Variants in CNTN5 observed in about 807,000 individuals in gnomAD.
The protein encoded by CNTN5 is contactin 5, also known as contactin-5.
Under a neutral mutation model 129.1 loss-of-function variants are expected in CNTN5, and 77 were observed. That is an observed-to-expected ratio of 0.60 (90% CI 0.50 to 0.72). The LOEUF (loss-of-function observed/expected upper bound fraction) is 0.72. Among genes scored for constraint, CNTN5 ranks in the 30% least tolerant of loss-of-function variants. CNTN5 has a pLI of 0.00. For missense variants in CNTN5, 1,478 were observed against 1,328.8 expected, an observed-to-expected ratio of 1.11 and a Z score of -1.75; for synonymous variants, 509 against 465.6, an observed-to-expected ratio of 1.09 and a Z score of -1.20.
intron 4 of CNTN5, among the ~76,000 whole-genome samples, chr11:99,830,991 G>T (rs572882767): frequency 2.0e-4 from 31 of 152,066 alleles, no homozygotes; most frequent in African/African-American, 7.5e-4. Flanking sequence ...AAATATTTTT[G>T]AACACAATAG....
chr11:99,957,368 T>G (rs991183663), intron 8 of CNTN5, among the ~76,000 whole-genome samples: 1 of 152,216 alleles, frequency 6.6e-6, no homozygotes, highest in African/African-American at 2.4e-5. Context: ...GGGTTCACTT[T>G]TCATTACATT....
intron 1 of CNTN5, among the ~76,000 whole-genome samples, chr11:99,159,742 G>A (rs1860516237): frequency 1.3e-5 from 2 of 152,088 alleles, no homozygotes; most frequent in South Asian, 2.1e-4. Flanking sequence ...AATGGCATAA[G>A]GGATAATAAA....
Position 99,188,602 on chromosome 11 carries a change from C to G in CNTN5, c.-209-136744C>G, listed in dbSNP as rs143619446. 5.9e-4 allele frequency among the ~76,000 whole-genome samples: 89 copies of G among 151,766 alleles called. 1 individual carries two copies. Among genetic ancestry groups the G allele is most frequent in the Admixed American group, 2.2e-3 (34 of 15,194 alleles). ...TATATCCCACTATATGAAAGGAACA[C>G]GATTTATTTAATATTTTTATTTCTT... On this transcript the variant is annotated intron_variant, in intron 1 of 24. Coordinates refer to ENST00000524871, the MANE Select transcript of CNTN5 (RefSeq NM_014361.4).
At chr11:100,033,398 A>T (rs1941821940) in intron 9 of CNTN5, among the ~76,000 whole-genome samples, 5 of 152,220 alleles carry the variant, frequency 3.3e-5, no homozygotes, top group Admixed American at 2.0e-4. Context: ...TCAATTATAA[A>T]GGTTTCTGGC....
In CNTN5 at chr11:99,379,001, G is replaced by A. The variant is rs545655663; in HGVS notation, c.-71+53517G>A. The stretch of plus-strand genomic sequence containing the variant: ...AGTCTTTTTTTAGTCTTCTGCACAT[G>A]ATATTCAATAAAATACATACATAAA... On this transcript the variant is annotated intron_variant, in intron 2 of 24. Transcript: ENST00000524871. 1.2e-3 allele frequency among the ~76,000 whole-genome samples: 175 copies of A among 151,932 alleles called. 1 individual carries two copies. The highest frequency in any genetic ancestry group is 2.3e-3 in the South Asian group (11 of 4,824).
chr11:99,512,886 T>C (rs1181043507), intron 2 of CNTN5, among the ~76,000 whole-genome samples: 1 of 152,152 alleles, frequency 6.6e-6, no homozygotes, highest in African/African-American at 2.4e-5. Context: ...CAATGGCTTC[T>C]AAGTGTTCAA....
At chr11:99,531,413 A>G (rs187276432) in intron 2 of CNTN5, among the ~76,000 whole-genome samples, 7 of 152,334 alleles carry the variant, frequency 4.6e-5, no homozygotes, top group Admixed American at 4.6e-4. Context: ...TTGCAGCCTG[A>G]CTATTCAATA....
At chr11:100,088,152 AC>A (rs139032453) in intron 13 of CNTN5, among the ~76,000 whole-genome samples, 4,358 of 152,096 alleles carry the variant, frequency 0.029, 128 homozygotes, top group African/African-American at 0.072. Flanking sequence ...AATCACACAG[AC>A]ATACATAAAA....
At chr11:99,116,485 C>T (rs929077501) in intron 1 of CNTN5, among the ~76,000 whole-genome samples, 5 of 151,958 alleles carry the variant, frequency 3.3e-5, no homozygotes, top group Admixed American at 1.3e-4. Context: ...TATTTTAAGG[C>T]GTTTGGATGT....
At chr11:99,090,754 G>C (rs905851558) in intron 1 of CNTN5, among the ~76,000 whole-genome samples, 4 of 150,838 alleles carry the variant, frequency 2.7e-5, no homozygotes, top group Non-Finnish European at 5.9e-5. Flanking sequence ...CGGGCGCGGT[G>C]GCTCACGCCT....
At chr11:100,028,239 T>C (rs1185393396) in intron 9 of CNTN5, among the ~76,000 whole-genome samples, 1 of 152,130 alleles carries the variant, frequency 6.6e-6, no homozygotes, top group African/African-American at 2.4e-5. Flanking sequence ...GGACTATAAC[T>C]CTTCTGTAGT....
chr11:99,586,561 A>G (rs1216677147), intron 3 of CNTN5, among the ~76,000 whole-genome samples: 1 of 152,226 alleles, frequency 6.6e-6, no homozygotes, highest in Non-Finnish European at 1.5e-5. Context: ...AATACTTTTC[A>G]ATAAATTAGT....
chr11:99,265,738 T>C (rs4641429), intron 1 of CNTN5, among the ~76,000 whole-genome samples: 2,513 of 152,118 alleles, frequency 0.017, 65 homozygotes, highest in African/African-American at 0.056. Flanking sequence ...ATTACAACAG[T>C]ATTACTTATT....
At chr11:99,535,346 G>C (rs1430289941) in intron 2 of CNTN5, among the ~76,000 whole-genome samples, 1 of 152,098 alleles carries the variant, frequency 6.6e-6, no homozygotes, top group Non-Finnish European at 1.5e-5. Flanking sequence ...ATGAGAGAGA[G>C]GTAGATAAAC....
intron 1 of CNTN5, among the ~76,000 whole-genome samples, chr11:99,239,399 G>T (rs943313858): frequency 1.3e-5 from 2 of 152,086 alleles, no homozygotes; most frequent in South Asian, 2.1e-4. Context: ...GTTTAGTCTC[G>T]AATCTAAGTT....
chr11:99,635,343 C>A (rs1404713759), intron 3 of CNTN5, among the ~76,000 whole-genome samples: 1 of 151,958 alleles, frequency 6.6e-6, no homozygotes, highest in African/African-American at 2.4e-5. Flanking sequence ...TCTTTGAGGC[C>A]CAGTTTCTTT....
At chr11:99,416,027 C>G (rs1327522760) in intron 2 of CNTN5, among the ~76,000 whole-genome samples, 1 of 152,088 alleles carries the variant, frequency 6.6e-6, no homozygotes, top group Non-Finnish European at 1.5e-5. Context: ...TCAGCTTGTA[C>G]CTGATTTTCC....
At chr11:99,702,798 T>G (rs921517157) in intron 3 of CNTN5, among the ~76,000 whole-genome samples, 19 of 151,022 alleles carry the variant, frequency 1.3e-4, no homozygotes, top group Admixed American at 9.3e-4. Flanking sequence ...TATTCAGTGT[T>G]GAAATATTGG....
chr11:99,047,356 C>A (rs1565274995), intron 1 of CNTN5, among the ~76,000 whole-genome samples: 6 of 139,640 alleles, frequency 4.3e-5, no homozygotes, highest in South Asian at 2.3e-4. Context: ...TGGTAATATG[C>A]AACACTGATC....
Sources: gnomAD v4.1 joint callset for allele counts (sites outside exome capture counted in the v4.1 genomes callset) on GRCh38, gnomAD v4.1.1 for gene constraint, MANE v1.5 for transcripts, NCBI Gene and HGNC (gene_info 2026-07-23, HGNC 2026-07-21) for gene names.